The following TOM1L2 variants were observed in gnomAD, a reference collection of about 807,000 sequenced individuals.
The protein encoded by TOM1L2 is target of myb1 like 2 membrane trafficking protein, also known as TOM1-like protein 2.
In TOM1L2, 31 loss-of-function variants were observed where a neutral mutation model predicts 67.9. The observed-to-expected ratio is 0.46, with a 90% CI of 0.34 to 0.62. The LOEUF (loss-of-function observed/expected upper bound fraction) is 0.62, where lower values mean the gene tolerates loss of function less well. Ranked by LOEUF, TOM1L2 falls within the 20% of genes least tolerant of loss-of-function variation. The pLI, the probability that TOM1L2 is intolerant of heterozygous loss-of-function variation, is 0.01. For missense variants in TOM1L2, 606 were observed against 663.5 expected, an observed-to-expected ratio of 0.91 and a Z score of 0.95; for synonymous variants, 256 against 254.0, an observed-to-expected ratio of 1.01 and a Z score of -0.07.
rs201070873 is a variant in TOM1L2 at position 17,915,515 on chromosome 17, C to CT, written c.53-7985dup. The stretch of plus-strand genomic sequence containing the variant: ...ATTCAATTTTTTTGGCCCCTCACCC[C>CT]TTTTTTTTAAGAGACAGGATCTCAC... On this transcript the variant is annotated intron_variant, in intron 1 of 14. Coordinates refer to ENST00000379504, the MANE Select transcript of TOM1L2 (RefSeq NM_001082968.2). Among the ~76,000 whole-genome samples the CT allele has an allele frequency of 8.8e-3, 1,343 of 151,832 alleles. 27 individuals are homozygous for CT. The highest frequency in any genetic ancestry group is 0.03 in the African/African-American group (1,238 of 41,364).
chr17:17,905,998 G>A (rs75169217), intron 2 of TOM1L2, among the ~76,000 whole-genome samples: 1 of 151,968 alleles, frequency 6.6e-6, no homozygotes, highest in African/African-American at 2.4e-5. Flanking sequence ...CAGGACTTCT[G>A]GGTTTGCTGT....
At chr17:17,912,969 C>T (rs949863458) in intron 1 of TOM1L2, among the ~76,000 whole-genome samples, 5 of 152,360 alleles carry the variant, frequency 3.3e-5, no homozygotes, top group African/African-American at 9.6e-5. Flanking sequence ...GGATCGCTCG[C>T]GGTTAGGAGC....
chr17:17,844,699 A>G lies in TOM1L2; in HGVS notation c.*2936T>C, dbSNP rs4924822. 85,787 of 152,208 alleles carry G rather than the reference A, an allele frequency of 0.56. 25,199 individuals are homozygous for G. The highest frequency in any genetic ancestry group is 0.63 in the Non-Finnish European group (43,051 of 68,000). The allele number at this position is 152,208 out of a possible 1,614,324, so 9.4% of individuals were successfully genotyped here. On this transcript the variant is annotated 3_prime_UTR_variant, in exon 15 of 15. Coordinates refer to ENST00000379504, the MANE Select transcript of TOM1L2 (RefSeq NM_001082968.2). ...AGGCAGGCCAAAGGCCCATGGTGCC[A>G]GGGGCCCAACTGCACATAGCGCCAT...
intron 1 of TOM1L2, among the ~76,000 whole-genome samples, chr17:17,956,362 T>C (rs1417717743): frequency 6.6e-6 from 1 of 152,192 alleles, no homozygotes; most frequent in Non-Finnish European, 1.5e-5. Context: ...CTGATTGGTG[T>C]ATTTACAATC....
intron 1 of TOM1L2, among the ~76,000 whole-genome samples, chr17:17,910,013 A>G (rs1475272942): frequency 1.3e-5 from 2 of 152,248 alleles, no homozygotes; most frequent in Non-Finnish European, 2.9e-5. Context: ...TAGGCAACAG[A>G]GTAAGACCCT....
Position 17,864,655 on chromosome 17 carries a change from G to A in TOM1L2, c.1084+1641C>T, listed in dbSNP as rs111978994. Among the ~76,000 whole-genome samples the A allele has an allele frequency of 9.3e-3, 1,416 of 152,184 alleles. 24 individuals are homozygous for A. Among genetic ancestry groups the A allele is most frequent in the African/African-American group, 0.033 (1,367 of 41,512 alleles). On this transcript the variant is annotated intron_variant, in intron 10 of 14. Coordinates refer to ENST00000379504, the MANE Select transcript of TOM1L2 (RefSeq NM_001082968.2). Reference sequence around the variant, plus strand: ...ACCCCCCTAGTAGTTGGGATTACAGGCACACACCACCATGCCCAGCTGATT... The same window carrying A: ...ACCCCCCTAGTAGTTGGGATTACAGACACACACCACCATGCCCAGCTGATT...
chr17:17,935,755 G>A (rs368657965), intron 1 of TOM1L2, among the ~76,000 whole-genome samples: 5 of 152,312 alleles, frequency 3.3e-5, no homozygotes, highest in East Asian at 1.9e-4. Flanking sequence ...CATAAGGAAC[G>A]AGGTCACAAG....
intron 6 of TOM1L2, among the ~76,000 whole-genome samples, chr17:17,882,101 C>T (rs1419319126): frequency 2.0e-5 from 3 of 152,100 alleles, no homozygotes; most frequent in East Asian, 1.9e-4. Flanking sequence ...GGAAGTAACC[C>T]GGGAGGGTGG....
At chr17:17,898,536 CAAGG>C in intron 3 of TOM1L2, 56 bp downstream of exon 3, 8 of 1,579,092 alleles carry the variant, frequency 5.1e-6, no homozygotes, top group Non-Finnish European at 7.0e-6. Context: ...GTGAGGGGGG[CAAGG>C]CCAGGAGCAA....
intron 1 of TOM1L2, among the ~76,000 whole-genome samples, chr17:17,954,509 C>T (rs747668712): frequency 2.2e-4 from 33 of 152,090 alleles, no homozygotes; most frequent in Non-Finnish European, 3.2e-4. Flanking sequence ...GACGGGGTTT[C>T]GCCATGTTGG....
At chr17:17,912,546 C>T (rs1274323312) in intron 1 of TOM1L2, among the ~76,000 whole-genome samples, 6 of 150,110 alleles carry the variant, frequency 4.0e-5, no homozygotes, top group African/African-American at 1.2e-4. Context: ...ACATCCCAGA[C>T]GGGGCGGCGG....
At chr17:17,872,110 A>G in intron 7 of TOM1L2, 1 of 923,804 alleles carries the variant, frequency 1.1e-6, no homozygotes, top group Non-Finnish European at 1.3e-6. Flanking sequence ...CACAGGTCAA[A>G]ACCCAGTCAC....
At position 17,893,781 on chromosome 17, in the gene TOM1L2, G is replaced by A. The variant is rs1231252563; in HGVS notation, c.246C>T (p.Gly82=). The A allele has an allele frequency of 6.2e-7, 1 of 1,614,126 alleles. No individual in the cohort carries two copies. Among genetic ancestry groups the A allele is most frequent in the South Asian group, 1.1e-5 (1 of 91,068 alleles). Residue 82 remains glycine, a synonymous_variant, in exon 4 of 15, where the codon GGC becomes GGT. Transcript: ENST00000379504. ...TGGCCACAAGGATGTGGAAGCGGTG[G>A]CCACAGTTCTTCACACATGTCTCCA... ...TVLETCVKNC[G]HRFHILVANR... is the part of the protein sequence containing the mutation.
In TOM1L2 at chr17:17,844,827, A is replaced by G. The variant is rs941003089; in HGVS notation, c.*2808T>C. On this transcript the variant is annotated 3_prime_UTR_variant, in exon 15 of 15. Transcript: ENST00000379504. ...AAGGGTTAAACACATTCCCAAGAAA[A>G]TATTTTGACAAAATAAATATTTTAA... is the stretch of plus-strand genomic sequence containing the variant. 4 of 152,428 alleles carry G rather than the reference A, an allele frequency of 2.6e-5. No individual in the cohort carries two copies. The highest frequency in any genetic ancestry group is 9.6e-5 in the African/African-American group (4 of 41,598). 9.4% of individuals were successfully genotyped at this position (152,428 alleles called of 1,614,324 possible).
chr17:17,871,056 T>C (rs957543868), intron 7 of TOM1L2, among the ~76,000 whole-genome samples: 3 of 152,202 alleles, frequency 2.0e-5, no homozygotes, highest in Admixed American at 6.5e-5. Context: ...TCTGAGAGAA[T>C]TAATTAATGA....
chr17:17,901,603 C>T lies in TOM1L2; in HGVS notation c.138-2929G>A, dbSNP rs143607027. Among the ~76,000 whole-genome samples, 337 of 152,364 alleles carry T rather than the reference C, an allele frequency of 2.2e-3. 1 individual carries two copies. The highest frequency in any genetic ancestry group is 3.7e-3 in the Non-Finnish European group (255 of 68,036). The stretch of plus-strand genomic sequence containing the variant: ...TGGAAAAGCTTTCTCCTCATCACCC[C>T]CAAGGAGGACATGGCTGCCCCTCTT... On this transcript the variant is annotated intron_variant, in intron 2 of 14. Transcript: ENST00000379504.
At chr17:17,906,971 C>T (rs571457309) in intron 2 of TOM1L2, among the ~76,000 whole-genome samples, 3 of 152,216 alleles carry the variant, frequency 2.0e-5, no homozygotes, top group East Asian at 1.9e-4. Context: ...GGAGGGGCAA[C>T]GTGTTCTAAG....
chr17:17,896,916 C>T (rs1334397206), intron 3 of TOM1L2, among the ~76,000 whole-genome samples: 7 of 152,154 alleles, frequency 4.6e-5, no homozygotes, highest in South Asian at 4.1e-4. Flanking sequence ...TATCAGCAGA[C>T]GTGAGACCAT....
intron 1 of TOM1L2, among the ~76,000 whole-genome samples, chr17:17,919,998 C>T (rs2039790068): frequency 1.3e-5 from 2 of 152,132 alleles, no homozygotes; most frequent in Non-Finnish European, 2.9e-5. Flanking sequence ...TAAGCCTGGC[C>T]TTGGACCCTG....
Sources: gnomAD v4.1 joint callset for allele counts (sites outside exome capture counted in the v4.1 genomes callset) on GRCh38, gnomAD v4.1.1 for gene constraint, MANE v1.5 for transcripts, NCBI Gene and HGNC (gene_info 2026-07-23, HGNC 2026-07-21) for gene names.